Variants in SNU13 observed in about 807,000 individuals in gnomAD.
The protein encoded by SNU13 is NHP2-like protein 1.
Under a neutral mutation model 12.4 loss-of-function variants are expected in SNU13, and 2 were observed. The ratio of observed to expected loss-of-function variants is 0.16; its 90% CI spans 0.07 to 0.51. The LOEUF (loss-of-function observed/expected upper bound fraction) is 0.51, where lower values mean the gene tolerates loss of function less well. SNU13 is among the 20% of genes least tolerant of loss of function. The pLI, the probability that SNU13 is intolerant of heterozygous loss-of-function variation, is 0.96. For missense variants in SNU13, 66 were observed against 157.8 expected (o/e 0.42, Z 3.12); for synonymous variants, 68 against 66.5 (o/e 1.02, Z -0.11).
intron 2 of SNU13, 77 bp downstream of exon 2, chr22:41,680,167 C>A: frequency 6.7e-7 from 1 of 1,485,836 alleles, no homozygotes; most frequent in South Asian, 1.4e-5. Context: ...TCCTCCCAAA[C>A]TGGAAATCAG....
rs1392541982 is a variant in SNU13, at chr22:41,674,545, T to C, written c.*388A>G. 6 of 213,770 alleles carry C rather than the reference T, an allele frequency of 2.8e-5. No individual in the cohort carries two copies. The highest frequency in any genetic ancestry group is 1.2e-4 in the African/African-American group (5 of 43,404). The allele number at this position is 213,770 out of a possible 1,614,324, so 13.2% of individuals were successfully genotyped here. ...GTGTGCCAGGCACAGGGACACACAA[T>C]GAATGCTGTTTAATTCCACCACACC... On this transcript the variant is annotated 3_prime_UTR_variant, in exon 3 of 3. Transcript: ENST00000401959.
chr22:41,675,633 GCTGGT>G (rs2068205472), intron 2 of SNU13, among the ~76,000 whole-genome samples: 2 of 151,714 alleles, frequency 1.3e-5, no homozygotes, highest in South Asian at 4.2e-4. Flanking sequence ...TGTTGTCCAG[GCTGGT>G]CTCAAACTCC....
At chr22:41,687,025 G>C (rs150936560) in intron 1 of SNU13, among the ~76,000 whole-genome samples, 1,661 of 151,220 alleles carry the variant, frequency 0.011, 8 homozygotes, top group Non-Finnish European at 0.018. Context: ...GTGTGATCTT[G>C]GCTCACTGCA....
At chr22:41,688,351 G>A (rs1465561499) in intron 1 of SNU13, 2 of 156,992 alleles carry the variant, frequency 1.3e-5, no homozygotes, top group Non-Finnish European at 1.4e-5. Flanking sequence ...ACGGGGGTGG[G>A]GTGAGGTAGG....
chr22:41,680,788 G>A (rs1430574975), intron 1 of SNU13, among the ~76,000 whole-genome samples: 8 of 152,098 alleles, frequency 5.3e-5, no homozygotes, highest in Admixed American at 2.0e-4. Context: ...TCTGCCTCCC[G>A]AGTTCAAATG....
intron 1 of SNU13, among the ~76,000 whole-genome samples, chr22:41,685,165 A>AAG (rs1374167676): frequency 2.6e-5 from 4 of 151,012 alleles, no homozygotes; most frequent in Admixed American, 1.3e-4. Flanking sequence ...AAAAAAAAAA[A>AAG]AAAAAAGAAT....
intron 1 of SNU13, among the ~76,000 whole-genome samples, chr22:41,682,974 G>A (rs1298870498): frequency 6.6e-6 from 1 of 151,990 alleles, no homozygotes; most frequent in African/African-American, 2.4e-5. Context: ...TGTCTATAGA[G>A]TATGTCTCCT....
intron 1 of SNU13, chr22:41,681,326 G>GT (rs2068261276): frequency 6.6e-6 from 1 of 152,202 alleles, no homozygotes; most frequent in African/African-American, 2.4e-5. Flanking sequence ...TTTCCTTGTG[G>GT]TTAGCAATTT....
At position 41,674,686 on chromosome 22, in the gene SNU13, T is replaced by C; in HGVS notation, c.*247A>G. On this transcript the variant is annotated 3_prime_UTR_variant, in exon 3 of 3. Transcript: ENST00000401959. Reference sequence around the variant, plus strand: ...ACGGTGCCACCACCCTGCTTCTGTCTGCTCTGAACACTTGTTCCAAAAAGG... The same window carrying C: ...ACGGTGCCACCACCCTGCTTCTGTCCGCTCTGAACACTTGTTCCAAAAAGG... The C allele has an allele frequency of 2.0e-6, 1 of 493,008 alleles. No homozygotes were observed. The highest frequency in any genetic ancestry group is 3.6e-6 in the Non-Finnish European group (1 of 278,904). The allele number at this position is 493,008 out of a possible 1,614,324, so 30.5% of individuals were successfully genotyped here.
intron 1 of SNU13, among the ~76,000 whole-genome samples, chr22:41,683,222 A>G (rs2068281624): frequency 1.3e-5 from 2 of 151,810 alleles, no homozygotes; most frequent in African/African-American, 4.8e-5. Context: ...TGGTCTCCCA[A>G]TTGCTGACCT....
At chr22:41,689,614 C>G (rs2068343798), upstream of SNU13, among the ~76,000 whole-genome samples, 1 of 150,570 alleles carries the variant, frequency 6.6e-6, no homozygotes, top group Admixed American at 6.6e-5. Flanking sequence ...TGCAGTGAGC[C>G]GAGATCGCAC....
chr22:41,682,304 C>G, intron 1 of SNU13: 1 of 1,566,178 alleles, frequency 6.4e-7, no homozygotes, highest in Non-Finnish European at 8.8e-7. Flanking sequence ...GCTCGCGGCA[C>G]CACAGCTCTC....
chr22:41,688,628 G>A (rs1341185730), intron 1 of SNU13, among the ~76,000 whole-genome samples, 166 bp downstream of exon 1: 1 of 152,206 alleles, frequency 6.6e-6, no homozygotes, highest in Non-Finnish European at 1.5e-5. Flanking sequence ...GGGCCAGGCT[G>A]CTGGGACCCC....
intron 2 of SNU13, among the ~76,000 whole-genome samples, chr22:41,677,718 T>C (rs2068226365): frequency 6.6e-6 from 1 of 152,158 alleles, no homozygotes; most frequent in South Asian, 2.1e-4. Context: ...TTGTACTCAC[T>C]GCTAACAGTG....
At chr22:41,690,444 G>A, upstream of SNU13, 1 of 721,356 alleles carries the variant, frequency 1.4e-6, no homozygotes, top group Non-Finnish European at 2.6e-6. Context: ...CCTGCACCAA[G>A]AGCATGCTAA....
chr22:41,681,409 T>C (rs1191568766), intron 1 of SNU13: 2 of 152,260 alleles, frequency 1.3e-5, no homozygotes, highest in South Asian at 2.1e-4. Context: ...AATATCTTCA[T>C]GGTTTAAAAG....
rs1284015566 is a variant in SNU13 at position 41,676,218 on chromosome 22, T to C, written c.125-1023A>G. On this transcript the variant is annotated intron_variant, in intron 2 of 2. Coordinates refer to ENST00000401959, the MANE Select transcript of SNU13 (RefSeq NM_001003796.2). ...CTCAATCTGCCATAATCAATACTTC[T>C]AGAAAGCTGATCCCACATGCGACTC... 2.6e-5 allele frequency among the ~76,000 whole-genome samples: 4 copies of C among 152,156 alleles called. No homozygotes were observed. In the East Asian group the frequency reaches 7.7e-4, roughly 29 times the overall value.
At chr22:41,685,666 TA>T (rs1168654442) in intron 1 of SNU13, among the ~76,000 whole-genome samples, 5 of 141,308 alleles carry the variant, frequency 3.5e-5, no homozygotes, top group Non-Finnish European at 3.1e-5. Context: ...CCTGGCTAAT[TA>T]AAAAAAAAAT....
chr22:41,682,429 G>A (rs368240016), intron 1 of SNU13: 85 of 1,611,676 alleles, frequency 5.3e-5, no homozygotes, highest in Non-Finnish European at 7.0e-5. Flanking sequence ...ACGGTCTGCT[G>A]CCCAGCACCG....
Sources: gnomAD v4.1 joint callset for allele counts (sites outside exome capture counted in the v4.1 genomes callset) on GRCh38, gnomAD v4.1.1 for gene constraint, MANE v1.5 for transcripts, NCBI Gene and HGNC (gene_info 2026-07-23, HGNC 2026-07-21) for gene names.